The following NCEH1 variants were observed in gnomAD, a reference collection of about 807,000 sequenced individuals.
NCEH1 encodes the protein 2-acetyl MAGE hydrolase.
A neutral mutation model predicts 25.4 loss-of-function variants in NCEH1; 9 were observed. That is an observed-to-expected ratio of 0.35 (90% CI 0.21 to 0.62). NCEH1 has a LOEUF of 0.62. NCEH1 is among the 20% of genes least tolerant of loss of function. The probability of loss-of-function intolerance (pLI) is 0.72; values close to 1 mark genes in which losing one functional copy is unlikely to be tolerated. For missense variants in NCEH1, 412 were observed against 501.1 expected, an observed-to-expected ratio of 0.82 and a Z score of 1.70; for synonymous variants, 200 against 199.8, an observed-to-expected ratio of 1.00 and a Z score of -0.01.
chr3:172,706,386 G>C (rs1270531297), intron 1 of NCEH1, among the ~76,000 whole-genome samples: 1 of 151,558 alleles, frequency 6.6e-6, no homozygotes, highest in African/African-American at 2.4e-5. Context: ...TTAACACATG[G>C]TACAAATCTT....
At chr3:172,645,482 C>A in intron 3 of NCEH1, 141 bp downstream of exon 3, 1 of 512,280 alleles carries the variant, frequency 2.0e-6, no homozygotes, top group Non-Finnish European at 3.5e-6. Context: ...TCTGATTATG[C>A]TGAGTGTGAC....
At chr3:172,652,896 G>C (rs1185665970) in intron 1 of NCEH1, among the ~76,000 whole-genome samples, 1 of 151,612 alleles carries the variant, frequency 6.6e-6, no homozygotes, top group Non-Finnish European at 1.5e-5. Context: ...GTAGATACAG[G>C]GTTTCACTAT....
chr3:172,679,974 T>C (rs628136), intron 1 of NCEH1, among the ~76,000 whole-genome samples: 38,966 of 151,968 alleles, frequency 0.26, 5,642 homozygotes, highest in East Asian at 0.59. Flanking sequence ...TCTTTTCTTA[T>C]CTCTATTATT....
At chr3:172,700,924 TTATAAATATGAGGTATAC>T (rs1329205417) in intron 1 of NCEH1, among the ~76,000 whole-genome samples, 3 of 152,092 alleles carry the variant, frequency 2.0e-5, no homozygotes, top group Non-Finnish European at 2.9e-5. Context: ...CTAGAGTACT[TTATAAATATGAGGTATAC>T]TAAAAAGTTA....
intron 1 of NCEH1, among the ~76,000 whole-genome samples, chr3:172,675,713 A>T (rs1711956913): frequency 6.6e-6 from 1 of 152,248 alleles, no homozygotes; most frequent in Non-Finnish European, 1.5e-5. Flanking sequence ...AAGTCAAGGG[A>T]GAAATGCATG....
At chr3:172,698,317 G>C (rs1713489699) in intron 1 of NCEH1, among the ~76,000 whole-genome samples, 1 of 152,120 alleles carries the variant, frequency 6.6e-6, no homozygotes, top group African/African-American at 2.4e-5. Flanking sequence ...GAAAGTTCAG[G>C]AAGCCCGGAT....
rs1219210648 is a variant in NCEH1, at chr3:172,631,518, G to C, written c.*1957C>G. On this transcript the variant is annotated 3_prime_UTR_variant, in exon 5 of 5. Transcript: ENST00000475381. ...TCTGACAAGACAGTTGGTATTATAAGTGGAAGAGACCTCAAGGATCACATA... is the reference window on the plus strand; with the variant it reads ...TCTGACAAGACAGTTGGTATTATAACTGGAAGAGACCTCAAGGATCACATA... The C allele has an allele frequency of 6.6e-6, 1 of 152,626 alleles. No homozygotes were observed. The highest frequency in any genetic ancestry group is 6.5e-5 in the Admixed American group (1 of 15,284). The allele number at this position is 152,626 out of a possible 1,614,324, so 9.5% of individuals were successfully genotyped here. A position where few individuals can be genotyped will look rare whatever the true frequency, so the allele number is the denominator to read the frequency against.
At position 172,630,483 on chromosome 3, in the gene NCEH1, T is replaced by C. The variant is rs1716297870; in HGVS notation, c.*2992A>G. On this transcript the variant is annotated 3_prime_UTR_variant, in exon 5 of 5. Coordinates refer to ENST00000475381, the MANE Select transcript of NCEH1 (RefSeq NM_020792.6). ...ATACTGTATCCAGACATGAAACAAATGTCATCAAGGAGGCCACTGAACCAC... is the reference window on the plus strand; with the variant it reads ...ATACTGTATCCAGACATGAAACAAACGTCATCAAGGAGGCCACTGAACCAC... 2 of 152,094 alleles carry C rather than the reference T, an allele frequency of 1.3e-5. No individual in the cohort carries two copies. The highest frequency in any genetic ancestry group is 2.9e-5 in the Non-Finnish European group (2 of 68,028). The allele number at this position is 152,094 out of a possible 1,614,324, so 9.4% of individuals were successfully genotyped here.
At chr3:172,709,733 C>T (rs969966820) in intron 1 of NCEH1, among the ~76,000 whole-genome samples, 4 of 152,198 alleles carry the variant, frequency 2.6e-5, no homozygotes, top group Non-Finnish European at 4.4e-5. Context: ...CATAAACCCT[C>T]TGGGAAAATC....
chr3:172,680,216 G>A (rs557375283), intron 1 of NCEH1, among the ~76,000 whole-genome samples: 6 of 152,274 alleles, frequency 3.9e-5, no homozygotes, highest in Admixed American at 1.3e-4. Context: ...CAATCTTACC[G>A]ATTTTCTTTG....
chr3:172,658,783 G>A (rs552115537), intron 1 of NCEH1, among the ~76,000 whole-genome samples: 156 of 149,268 alleles, frequency 1.0e-3, no homozygotes, highest in Non-Finnish European at 1.7e-3. Flanking sequence ...CTCTAGGGCT[G>A]CAGTTCAGTC....
rs11376665 is a variant in NCEH1 at position 172,688,330 on chromosome 3, CAAAAAAAA to C, written c.138+22509_138+22516del. Among the ~76,000 whole-genome samples, 194 of 66,248 alleles carry C rather than the reference CAAAAAAAA, an allele frequency of 2.9e-3. 2 individuals carry two copies. Among genetic ancestry groups the C allele is most frequent in the African/African-American group, 9.3e-3 (155 of 16,664 alleles). The allele number at this position is 66,248 out of a possible 152,430, so 43.5% of individuals were successfully genotyped here. On this transcript the variant is annotated intron_variant, in intron 1 of 4. Coordinates refer to ENST00000475381, the MANE Select transcript of NCEH1 (RefSeq NM_020792.6). ...AGGCAACAAGAGCGAAACTCCACCTCAAAAAAAAAAAAAAAAAAAAAAGAAAATGGACA... is the reference window on the plus strand; with the variant it reads ...AGGCAACAAGAGCGAAACTCCACCTCAAAAAAAAAAAAAAGAAAATGGACA...
At chr3:172,664,938 G>A (rs187027868) in intron 1 of NCEH1, among the ~76,000 whole-genome samples, 201 of 152,222 alleles carry the variant, frequency 1.3e-3, no homozygotes, top group Admixed American at 2.6e-3. Flanking sequence ...TGTCATTACC[G>A]ATTTTCTGAA....
intron 1 of NCEH1, among the ~76,000 whole-genome samples, chr3:172,659,276 T>C (rs1717854374): frequency 6.8e-6 from 1 of 146,442 alleles, no homozygotes; most frequent in South Asian, 2.1e-4. Context: ...CAAATTCTTT[T>C]ATCGGGAGGC....
At chr3:172,664,035 T>C (rs1160705728) in intron 1 of NCEH1, among the ~76,000 whole-genome samples, 2 of 152,248 alleles carry the variant, frequency 1.3e-5, no homozygotes, top group Non-Finnish European at 2.9e-5. Flanking sequence ...CGTTAGTTGA[T>C]GCAGTTTCTT....
chr3:172,688,453 AG>A (rs1712831179), intron 1 of NCEH1, among the ~76,000 whole-genome samples: 1 of 151,984 alleles, frequency 6.6e-6, no homozygotes. Context: ...CCTTCAAAAC[AG>A]ATTTTATTTT....
At chr3:172,644,348 C>T (rs1338112204) in intron 3 of NCEH1, among the ~76,000 whole-genome samples, 1 of 152,136 alleles carries the variant, frequency 6.6e-6, no homozygotes, top group East Asian at 1.9e-4. Context: ...AAAAGATCCA[C>T]TCAAATCTGG....
intron 1 of NCEH1, 134 bp downstream of exon 1, chr3:172,710,713 C>T: frequency 1.7e-5 from 16 of 932,096 alleles, no homozygotes; most frequent in Non-Finnish European, 2.6e-5. Flanking sequence ...CCGACTGGAC[C>T]ACCTCAAAAA....
At chr3:172,642,121 G>C (rs1018959702) in intron 3 of NCEH1, among the ~76,000 whole-genome samples, 2 of 152,024 alleles carry the variant, frequency 1.3e-5, no homozygotes, top group Non-Finnish European at 2.9e-5. Context: ...AAAGAAAGAA[G>C]AAAGAAGCGA....
Sources: gnomAD v4.1 joint callset for allele counts (sites outside exome capture counted in the v4.1 genomes callset) on GRCh38, gnomAD v4.1.1 for gene constraint, MANE v1.5 for transcripts, NCBI Gene and HGNC (gene_info 2026-07-23, HGNC 2026-07-21) for gene names.